CPS1: variants seen among roughly 807,000 people sequenced by gnomAD.
CPS1 encodes the protein carbamoyl-phosphate synthase [ammonia], mitochondrial.
Under a neutral mutation model 174.6 loss-of-function variants are expected in CPS1, and 109 were observed. That is an observed-to-expected ratio of 0.62 (90% CI 0.53 to 0.73). The LOEUF (loss-of-function observed/expected upper bound fraction) is 0.73, where lower values mean the gene tolerates loss of function less well. Ranked by LOEUF, CPS1 falls within the 30% of genes least tolerant of loss-of-function variation. CPS1 has a pLI of 0.00. For synonymous variants in CPS1, 637 were observed against 632.0 expected (o/e 1.01, Z -0.12); for missense variants, 1,689 against 1,821.9 (o/e 0.93, Z 1.33).
intron 1 of CPS1, among the ~76,000 whole-genome samples, chr2:210,519,295 A>G (rs1332175208): frequency 6.6e-6 from 1 of 152,084 alleles, no homozygotes; most frequent in Non-Finnish European, 1.5e-5. Context: ...AAATTCTTTA[A>G]AAATGAATAG....
At chr2:210,505,458 G>A (rs908196067) in intron 1 of CPS1, among the ~76,000 whole-genome samples, 25 of 152,112 alleles carry the variant, frequency 1.6e-4, no homozygotes, top group African/African-American at 5.1e-4. Context: ...TGCTCCCGGC[G>A]TGAGCGACAC....
chr2:210,560,187 A>G (rs932838581), intron 1 of CPS1, among the ~76,000 whole-genome samples: 3 of 152,126 alleles, frequency 2.0e-5, no homozygotes, highest in Non-Finnish European at 4.4e-5. Context: ...TTTAATTCCA[A>G]AAGGCAGAAT....
At chr2:210,668,808 T>G (rs1400379295) in intron 34 of CPS1, among the ~76,000 whole-genome samples, 1 of 152,138 alleles carries the variant, frequency 6.6e-6, no homozygotes, top group African/African-American at 2.4e-5. Flanking sequence ...GCTGGATACC[T>G]CCACTTGAAT....
At chr2:210,588,364 G>A (rs1449270470) in intron 7 of CPS1, among the ~76,000 whole-genome samples, 1 of 151,450 alleles carries the variant, frequency 6.6e-6, no homozygotes, top group Non-Finnish European at 1.5e-5. Context: ...AACCTCAAGG[G>A]CCACTAAAAC....
chr2:210,662,375 T>G (rs1291197167), intron 32 of CPS1, among the ~76,000 whole-genome samples: 2 of 152,204 alleles, frequency 1.3e-5, no homozygotes, highest in Non-Finnish European at 2.9e-5. Context: ...AATATGTAAC[T>G]TGACCAAGAT....
chr2:210,619,784 C>T (rs1055984256), intron 21 of CPS1: 3 of 151,988 alleles, frequency 2.0e-5, no homozygotes, highest in South Asian at 2.1e-4. Context: ...CATTTAATAG[C>T]AGAGGATGAG....
intron 34 of CPS1, chr2:210,673,055 T>C (rs563679542): frequency 7.9e-5 from 12 of 152,334 alleles, no homozygotes; most frequent in African/African-American, 2.9e-4. Flanking sequence ...TCCTAGTTTC[T>C]GACTCTGAAA....
intron 4 of CPS1, among the ~76,000 whole-genome samples, chr2:210,578,327 C>G (rs1011256745): frequency 6.6e-6 from 1 of 152,134 alleles, no homozygotes; most frequent in African/African-American, 2.4e-5. Flanking sequence ...CCAGGCTGGT[C>G]TCAAACTCCT....
At chr2:210,492,239 T>C (rs974858641) in intron 1 of CPS1, among the ~76,000 whole-genome samples, 1 of 152,226 alleles carries the variant, frequency 6.6e-6, no homozygotes, top group Non-Finnish European at 1.5e-5. Flanking sequence ...CATAGTTACA[T>C]AGCTTAATGA....
intron 1 of CPS1, among the ~76,000 whole-genome samples, chr2:210,506,136 G>C (rs1695275356): frequency 6.6e-6 from 1 of 152,186 alleles, no homozygotes; most frequent in African/African-American, 2.4e-5. Flanking sequence ...GCACTCCACA[G>C]TAGGGGCAGA....
In CPS1 at chr2:210,595,481, T is replaced by G; in HGVS notation, c.1264-6T>G. On this transcript the variant is annotated splice_polypyrimidine_tract_variant and splice_region_variant and intron_variant, in intron 12 of 37. Transcript: ENST00000233072. ...AATAACAGTGTCTTTTTCTTATTGC[T>G]TATAGGTTTCCAAAGTCCTTATTCT... 5 of 1,601,184 alleles carry G rather than the reference T, an allele frequency of 3.1e-6. No homozygotes were observed. Among genetic ancestry groups the G allele is most frequent in the Non-Finnish European group, 4.3e-6 (5 of 1,169,004 alleles).
chr2:210,602,064 A>G, intron 15 of CPS1, 138 bp from the exon 16 acceptor site: 1 of 983,056 alleles, frequency 1.0e-6, no homozygotes, highest in Non-Finnish European at 1.6e-6. Flanking sequence ...TCAGAATGAG[A>G]TGAGGGAATA....
At chr2:210,581,791 A>C (rs1697930697) in intron 5 of CPS1, among the ~76,000 whole-genome samples, 1 of 152,150 alleles carries the variant, frequency 6.6e-6, no homozygotes, top group South Asian at 2.1e-4. Context: ...TCCTTCAAGG[A>C]ATACATTTAA....
chr2:210,639,353 C>G, intron 23 of CPS1, 138 bp downstream of exon 23: 1 of 693,044 alleles, frequency 1.4e-6, no homozygotes, highest in South Asian at 1.6e-5. Context: ...TGGCTCACGC[C>G]TGTAATCCCA....
In CPS1 at chr2:210,660,647, G is replaced by A. The variant is rs1700888208; in HGVS notation, c.3919G>A (p.Ala1307Thr). Residue 1307 changes from alanine (A) to threonine (T), a missense_variant, in exon 32 of 38, where the codon GCA becomes ACA. By Grantham distance (58) the Ala-to-Thr change is moderately conservative. Transcript: ENST00000233072. ...TCCCATAATTCCTGCTGACTATGTT[G>A]CAATTAAGGTAACATTTTCAAAAAT... ...DHPIIPADYV[A>T]IKAPMFSWPR... 15 of 1,613,916 alleles carry A rather than the reference G, an allele frequency of 9.3e-6. No homozygotes were observed. The highest frequency in any genetic ancestry group is 1.3e-5 in the Non-Finnish European group (15 of 1,179,856).
At chr2:210,528,023 G>A (rs543969066) in intron 1 of CPS1, among the ~76,000 whole-genome samples, 12 of 151,912 alleles carry the variant, frequency 7.9e-5, no homozygotes, top group African/African-American at 2.7e-4. Flanking sequence ...TATGAGGTTC[G>A]CAGTAACCGA....
chr2:210,588,345 T>TA lies in CPS1; in HGVS notation c.711+208dup, dbSNP rs985122403. Among the ~76,000 whole-genome samples, 710 of 148,274 alleles carry TA rather than the reference T, an allele frequency of 4.8e-3. 1 individual carries two copies. Among genetic ancestry groups the TA allele is most frequent in the African/African-American group, 0.014 (554 of 40,570 alleles). On this transcript the variant is annotated intron_variant, in intron 7 of 37. Transcript: ENST00000233072. The stretch of plus-strand genomic sequence containing the variant: ...AATATAGACTGCTATGTTTTTTCTT[T>TA]AAAAAAAAAACCTCAAGGGCCACTA...
chr2:210,636,143 T>A (rs1700036502), intron 21 of CPS1, among the ~76,000 whole-genome samples: 1 of 152,222 alleles, frequency 6.6e-6, no homozygotes, highest in African/African-American at 2.4e-5. Flanking sequence ...ACTATTATAA[T>A]TGAATTGTAT....
intron 1 of CPS1, among the ~76,000 whole-genome samples, chr2:210,497,813 T>G (rs1465072429): frequency 6.6e-6 from 1 of 150,430 alleles, no homozygotes; most frequent in Non-Finnish European, 1.5e-5. Flanking sequence ...CTAGGTTGAT[T>G]CCACGTCTTT....
Sources: gnomAD v4.1 joint callset for allele counts (sites outside exome capture counted in the v4.1 genomes callset) on GRCh38, gnomAD v4.1.1 for gene constraint, MANE v1.5 for transcripts, NCBI Gene and HGNC (gene_info 2026-07-23, HGNC 2026-07-21) for gene names.